WT1: variants seen among roughly 807,000 people sequenced by gnomAD.
WT1 encodes Wilms tumor protein.
In WT1, 8 loss-of-function variants were observed where a neutral mutation model predicts 60.8. The ratio of observed to expected loss-of-function variants is 0.13; its 90% CI spans 0.08 to 0.24. The LOEUF is 0.24. Ranked by LOEUF, WT1 falls within the 10% of genes least tolerant of loss-of-function variation. The pLI is 1.00. For synonymous variants in WT1, 312 were observed against 297.1 expected, an observed-to-expected ratio of 1.05 and a Z score of -0.52; for missense variants, 568 against 711.8, an observed-to-expected ratio of 0.80 and a Z score of 2.30.
In WT1 at chr11:32,428,160, G is replaced by T. The variant is rs1290978577; in HGVS notation, c.785-102C>A. 4.4e-6 allele frequency: 5 copies of T among 1,135,322 alleles called. No individual in the cohort carries two copies. In the African/African-American group the frequency reaches 7.8e-5, roughly 18 times the overall value. The allele number at this position is 1,135,322 out of a possible 1,614,324, so 70.3% of individuals were successfully genotyped here. A position where few individuals can be genotyped will look rare whatever the true frequency, so the allele number is the denominator to read the frequency against. ...GGAGACACGAGATCCTGAGCCTGGG[G>T]CACTGGGGCCTGGATGAGCGGCGTG... On this transcript the variant is annotated intron_variant, in intron 2 of 9. Transcript: ENST00000452863.
intron 6 of WT1, among the ~76,000 whole-genome samples, chr11:32,398,857 CA>C (rs1319849498): frequency 6.6e-6 from 1 of 150,602 alleles, no homozygotes; most frequent in East Asian, 1.9e-4. Flanking sequence ...AACTATATGA[CA>C]TTCTGAAAAA....
chr11:32,415,156 C>A (rs559627975), intron 5 of WT1, among the ~76,000 whole-genome samples: 7 of 152,290 alleles, frequency 4.6e-5, no homozygotes, highest in African/African-American at 1.7e-4. Flanking sequence ...TGTAACTGAA[C>A]AAACAAGCCC....
intron 5 of WT1, among the ~76,000 whole-genome samples, chr11:32,402,589 A>G (rs1361903943): frequency 1.3e-5 from 2 of 152,226 alleles, no homozygotes; most frequent in African/African-American, 4.8e-5. Context: ...TCTATTGCCC[A>G]GGCTGGAATG....
chr11:32,392,321 G>GGAA (rs1453170632), intron 8 of WT1, among the ~76,000 whole-genome samples: 1 of 152,154 alleles, frequency 6.6e-6, no homozygotes, highest in Admixed American at 6.5e-5. Flanking sequence ...CTCACCAGCT[G>GGAA]GAAGATCTCA....
At chr11:32,434,279 G>T (rs1252585365) in intron 1 of WT1, among the ~76,000 whole-genome samples, 1 of 152,220 alleles carries the variant, frequency 6.6e-6, no homozygotes, top group African/African-American at 2.4e-5. Flanking sequence ...GTCCCACTCC[G>T]AATCCAGAGT....
At chr11:32,428,446 G>A (rs1331997042) in intron 2 of WT1, 51 bp downstream of exon 2, 1 of 1,612,640 alleles carries the variant, frequency 6.2e-7, no homozygotes. Flanking sequence ...GGGGAGAGGA[G>A]GATAGCACGG....
At chr11:32,406,621 CAA>C (rs777180705) in intron 5 of WT1, among the ~76,000 whole-genome samples, 1 of 147,460 alleles carries the variant, frequency 6.8e-6, no homozygotes, top group African/African-American at 2.5e-5. Context: ...TACCCTCCAC[CAA>C]AAAAAAAATA....
At chr11:32,390,173 A>T (rs1210406776) in intron 9 of WT1, among the ~76,000 whole-genome samples, 2 of 152,154 alleles carry the variant, frequency 1.3e-5, no homozygotes, top group Non-Finnish European at 2.9e-5. Flanking sequence ...CATCTTAAGG[A>T]AGAATGCACA....
At chr11:32,405,958 A>G (rs1022193464) in intron 5 of WT1, among the ~76,000 whole-genome samples, 1 of 152,166 alleles carries the variant, frequency 6.6e-6, no homozygotes, top group Non-Finnish European at 1.5e-5. Flanking sequence ...TCATCATGAG[A>G]CTTGAACGAC....
chr11:32,397,808 G>A (rs1415158481), intron 6 of WT1, among the ~76,000 whole-genome samples: 1 of 152,146 alleles, frequency 6.6e-6, no homozygotes, highest in Admixed American at 6.5e-5. Flanking sequence ...CAACATTGAT[G>A]TTAATAGGCC....
chr11:32,400,925 T>C (rs1420233074), intron 5 of WT1, among the ~76,000 whole-genome samples: 2 of 152,234 alleles, frequency 1.3e-5, no homozygotes, highest in African/African-American at 4.8e-5. Flanking sequence ...ATGATGCAGC[T>C]GCTTTGCAAA....
At chr11:32,406,776 A>G (rs1003396695) in intron 5 of WT1, among the ~76,000 whole-genome samples, 1 of 152,152 alleles carries the variant, frequency 6.6e-6, no homozygotes, top group African/African-American at 2.4e-5. Flanking sequence ...GTATCCTGAG[A>G]AAATTTGCTT....
chr11:32,411,801 T>C (rs1357818916), intron 5 of WT1, among the ~76,000 whole-genome samples: 1 of 152,166 alleles, frequency 6.6e-6, no homozygotes, highest in Non-Finnish European at 1.5e-5. Flanking sequence ...TCCATCTTTA[T>C]CAAACCCTGG....
At chr11:32,396,546 C>G (rs1013918320) in intron 6 of WT1, 139 bp from the exon 7 acceptor site, 1 of 1,054,252 alleles carries the variant, frequency 9.5e-7, no homozygotes, top group Non-Finnish European at 1.4e-6. Flanking sequence ...CATTCACACT[C>G]CAGATCCCCA....
intron 3 of WT1, among the ~76,000 whole-genome samples, chr11:32,422,454 T>C (rs1265374611): frequency 6.6e-6 from 1 of 152,210 alleles, no homozygotes; most frequent in African/African-American, 2.4e-5. Context: ...GAAACAAATA[T>C]TGATTTTCTA....
chr11:32,414,185 G>A (rs1852591453), intron 5 of WT1, among the ~76,000 whole-genome samples: 1 of 152,182 alleles, frequency 6.6e-6, no homozygotes, highest in South Asian at 2.1e-4. Context: ...TTCTTTTGTG[G>A]AACTATCTGT....
chr11:32,400,450 C>T (rs1852121443), intron 5 of WT1: 2 of 344,272 alleles, frequency 5.8e-6, no homozygotes, highest in Admixed American at 3.9e-5. Flanking sequence ...TTGTCGGCAC[C>T]TCATGACTCA....
intron 1 of WT1, among the ~76,000 whole-genome samples, chr11:32,430,229 C>G (rs1853233164): frequency 6.6e-6 from 1 of 152,040 alleles, no homozygotes; most frequent in South Asian, 2.1e-4. Context: ...AAAGATAACC[C>G]CCGGCCCCGT....
rs1262223289 is a variant in WT1, at chr11:32,434,928, TGAA to T, written c.430_432del (p.Phe144del). 1.2e-6 allele frequency: 2 copies of T among 1,603,298 alleles called. No individual in the cohort carries two copies. Among genetic ancestry groups the T allele is most frequent in the Non-Finnish European group, 1.7e-6 (2 of 1,176,860 alleles). Reference sequence around the variant, plus strand: ...CCGCCCCAGCTCGGCTCCTGTTTGATGAAGGAGTGAGGCGGCGGCGGCGGGGGT... The same window carrying T: ...CCGCCCCAGCTCGGCTCCTGTTTGATGGAGTGAGGCGGCGGCGGCGGGGGT... On this transcript the variant is annotated inframe_deletion, in exon 1 of 10. Coordinates refer to ENST00000452863, the MANE Select transcript of WT1 (RefSeq NM_024426.6).
Sources: gnomAD v4.1 joint callset for allele counts (sites outside exome capture counted in the v4.1 genomes callset) on GRCh38, gnomAD v4.1.1 for gene constraint, MANE v1.5 for transcripts, NCBI Gene and HGNC (gene_info 2026-07-23, HGNC 2026-07-21) for gene names.